Variants in CA10 observed in about 807,000 individuals in gnomAD.
CA10 encodes the protein carbonic anhydrase-related protein 10.
CA10 carries 14 observed loss-of-function variants against 44.2 expected under a neutral mutation model. The ratio of observed to expected loss-of-function variants is 0.32; its 90% CI spans 0.21 to 0.50. The LOEUF (loss-of-function observed/expected upper bound fraction) is 0.50, where lower values mean the gene tolerates loss of function less well. CA10 is among the 20% of genes least tolerant of loss of function. The pLI is 0.99. For synonymous variants in CA10, 159 were observed against 141.6 expected (o/e 1.12, Z -0.87); for missense variants, 350 against 409.7 (o/e 0.85, Z 1.26).
intron 2 of CA10, among the ~76,000 whole-genome samples, chr17:51,979,140 A>G (rs1312465757): frequency 1.3e-5 from 2 of 152,064 alleles, no homozygotes; most frequent in African/African-American, 4.8e-5. Flanking sequence ...CTCTCCAGAT[A>G]TAATTTCCGT....
At chr17:51,681,072 C>T (rs1914830495) in intron 4 of CA10, among the ~76,000 whole-genome samples, 1 of 152,192 alleles carries the variant, frequency 6.6e-6, no homozygotes, top group Non-Finnish European at 1.5e-5. Flanking sequence ...AGTCTTCCAG[C>T]CTTAATCTGC....
At chr17:51,946,453 C>A (rs991004454) in intron 2 of CA10, among the ~76,000 whole-genome samples, 2 of 152,144 alleles carry the variant, frequency 1.3e-5, no homozygotes, top group Non-Finnish European at 2.9e-5. Flanking sequence ...ACTGAACCTC[C>A]TTTAGTCTGG....
chr17:51,690,907 C>T (rs1465197723), intron 4 of CA10, among the ~76,000 whole-genome samples: 1 of 148,128 alleles, frequency 6.8e-6, no homozygotes, highest in Non-Finnish European at 1.5e-5. Flanking sequence ...ACAGAATTTC[C>T]TTCCTTTTTT....
At chr17:51,874,938 T>C (rs1255509751) in intron 3 of CA10, among the ~76,000 whole-genome samples, 1 of 122,714 alleles carries the variant, frequency 8.1e-6, no homozygotes, top group Non-Finnish European at 1.7e-5. Flanking sequence ...GTAAGGAAGA[T>C]GTTTTTCTTC....
At chr17:51,847,274 T>A (rs1425197652) in intron 3 of CA10, among the ~76,000 whole-genome samples, 1 of 152,214 alleles carries the variant, frequency 6.6e-6, no homozygotes, top group Non-Finnish European at 1.5e-5. Context: ...ATCTTCCCTC[T>A]TGCAGGGAAA....
At chr17:51,959,300 G>C (rs1171686031) in intron 2 of CA10, among the ~76,000 whole-genome samples, 83 of 149,476 alleles carry the variant, frequency 5.6e-4, no homozygotes, top group South Asian at 1.3e-3. Context: ...GTGTGTGTGT[G>C]TGTGTGTGTG....
intron 1 of CA10, among the ~76,000 whole-genome samples, chr17:52,086,731 G>C (rs990179697): frequency 5.3e-5 from 8 of 152,174 alleles, no homozygotes; most frequent in Non-Finnish European, 1.2e-4. Context: ...TGCAGCCAGA[G>C]TGGTTATAAC....
chr17:51,643,778 AG>A (rs1913202184), intron 6 of CA10, among the ~76,000 whole-genome samples: 1 of 152,232 alleles, frequency 6.6e-6, no homozygotes, highest in South Asian at 2.1e-4. Flanking sequence ...TTTGATAGCC[AG>A]GTACCTTAAG....
intron 6 of CA10, among the ~76,000 whole-genome samples, chr17:51,636,775 T>TGTGTGTGTGTGTGTG (rs1555577669): frequency 6.8e-6 from 1 of 146,512 alleles, no homozygotes; most frequent in African/African-American, 2.6e-5. Context: ...ACTGATTATT[T>TGTGTGTGTGTGTGTG]TGTGTGTGTG....
At chr17:51,687,037 A>G (rs1212083589) in intron 4 of CA10, among the ~76,000 whole-genome samples, 1 of 152,102 alleles carries the variant, frequency 6.6e-6, no homozygotes, top group African/African-American at 2.4e-5. Context: ...GTCATGTCAC[A>G]CCCCTATTTA....
At chr17:51,989,791 C>T (rs967711952) in intron 2 of CA10, among the ~76,000 whole-genome samples, 1 of 152,108 alleles carries the variant, frequency 6.6e-6, no homozygotes, top group Non-Finnish European at 1.5e-5. Context: ...TTATATCCAG[C>T]CCAATCATTT....
intron 4 of CA10, among the ~76,000 whole-genome samples, chr17:51,681,192 C>A (rs1914833879): frequency 6.6e-6 from 1 of 152,136 alleles, no homozygotes; most frequent in Non-Finnish European, 1.5e-5. Context: ...TTCTTGTTTT[C>A]TGATCTGCAA....
intron 3 of CA10, among the ~76,000 whole-genome samples, chr17:51,914,912 G>A (rs892870066): frequency 2.0e-5 from 3 of 152,008 alleles, no homozygotes; most frequent in Non-Finnish European, 4.4e-5. Flanking sequence ...GGTCATTTGG[G>A]GAACTAAATG....
At chr17:52,112,838 T>G (rs971441088) in intron 1 of CA10, among the ~76,000 whole-genome samples, 1 of 152,226 alleles carries the variant, frequency 6.6e-6, no homozygotes, top group East Asian at 1.9e-4. Context: ...CCCTTTCTCA[T>G]GGATAAGTTT....
intron 1 of CA10, among the ~76,000 whole-genome samples, chr17:52,077,237 C>T (rs562982315): frequency 6.6e-6 from 1 of 152,192 alleles, no homozygotes; most frequent in South Asian, 2.1e-4. Flanking sequence ...AAGAAGTCAT[C>T]GTTGGGGATG....
intron 2 of CA10, among the ~76,000 whole-genome samples, chr17:51,963,281 C>A (rs1282216974): frequency 1.3e-5 from 2 of 152,002 alleles, no homozygotes; most frequent in Non-Finnish European, 2.9e-5. Context: ...AGTGAACAAA[C>A]CAACAAATTA....
At chr17:52,041,191 C>T (rs139416808) in intron 2 of CA10, among the ~76,000 whole-genome samples, 119 of 151,866 alleles carry the variant, frequency 7.8e-4, no homozygotes, top group African/African-American at 2.7e-3. Flanking sequence ...ATCCAGCAAC[C>T]CAAAAAGTAA....
At chr17:52,136,725 A>G (rs1016266030) in intron 1 of CA10, among the ~76,000 whole-genome samples, 13 of 152,208 alleles carry the variant, frequency 8.5e-5, no homozygotes, top group Non-Finnish European at 1.8e-4. Flanking sequence ...AGAGGCTACA[A>G]CACGTATTAA....
In CA10 at chr17:52,061,772, A is replaced by T. The variant is rs767977440; in HGVS notation, c.136+10547T>A. ...TGAGTTTCTTGAGGCCTCCCCAGGC[A>T]TGTGGAACTGTGAGTCAATTAAACC... On this transcript the variant is annotated intron_variant, in intron 2 of 8. Coordinates refer to ENST00000451037, the MANE Select transcript of CA10 (RefSeq NM_020178.5). Among the ~76,000 whole-genome samples the T allele has an allele frequency of 2.6e-5, 4 of 152,302 alleles. No individual in the cohort carries two copies. The South Asian group carries it at 6.2e-4, about 24-fold the overall frequency.
Sources: allele counts gnomAD v4.1 joint callset (sites outside exome capture counted in the v4.1 genomes callset), GRCh38; gene constraint gnomAD v4.1.1; transcripts MANE v1.5; gene names NCBI Gene and HGNC (gene_info 2026-07-23, HGNC 2026-07-21).